Variants in LRTM3 observed in about 807,000 individuals in gnomAD.
LRTM3 encodes the protein leucine rich repeat transmembrane protein 3, also known as leucine-rich repeat transmembrane protein 3.
At chr13:102,734,670 T>C in the LRTM3 span, 1 of 1,551,168 alleles carries the variant, frequency 6.4e-7, no homozygotes, top group South Asian at 1.2e-5. Flanking sequence ...CTATGTACAG[T>C]CTCCCCTATG....
At chr13:102,753,566 C>T in the LRTM3 span, among the ~76,000 whole-genome samples, 11 of 149,888 alleles carry the variant, frequency 7.3e-5, no homozygotes, top group African/African-American at 1.5e-4. Context: ...TGGCCATCTG[C>T]GAGTCAAGGA....
At chr13:102,733,864 C>T in the LRTM3 span, 2 of 1,551,334 alleles carry the variant, frequency 1.3e-6, no homozygotes, top group Non-Finnish European at 1.7e-6. Flanking sequence ...GTTCTGCTTG[C>T]TTAACAACGT....
At chr13:102,730,946 G>C in the LRTM3 span, 5 of 1,551,214 alleles carry the variant, frequency 3.2e-6, no homozygotes, top group Admixed American at 9.8e-5. Context: ...GTTAGATAAG[G>C]GTTTCTTTCT....
the LRTM3 span, chr13:102,739,689 C>T: frequency 6.5e-7 from 1 of 1,550,114 alleles, no homozygotes; most frequent in Non-Finnish European, 8.7e-7. Context: ...CTTTTCATAT[C>T]CATTGCTTTT....
chr13:102,758,400 T>C, the LRTM3 span: 2 of 1,512,678 alleles, frequency 1.3e-6, no homozygotes, highest in East Asian at 2.5e-5. Context: ...TTTTGTGATA[T>C]ATCACATACC....
the LRTM3 span, chr13:102,749,375 C>T: frequency 6.4e-7 from 1 of 1,551,362 alleles, no homozygotes; most frequent in African/African-American, 1.4e-5. Context: ...TTTTACACTC[C>T]TTAGTTGTGG....
chr13:102,750,135 C>A, the LRTM3 span: 1 of 1,551,106 alleles, frequency 6.4e-7, no homozygotes, highest in Non-Finnish European at 8.7e-7. Context: ...TGTATTGTTT[C>A]ATATTCTCTG....
chr13:102,734,257 A>G, the LRTM3 span: 1 of 1,550,448 alleles, frequency 6.4e-7, no homozygotes. Context: ...TTACATCACC[A>G]CTCCTTGCCT....
the LRTM3 span, chr13:102,743,979 G>A: frequency 6.5e-6 from 10 of 1,549,926 alleles, no homozygotes; most frequent in African/African-American, 4.1e-5. Flanking sequence ...AGATTTTGTC[G>A]GCGTGTTCTG....
the LRTM3 span, chr13:102,730,191 T>G: frequency 6.4e-7 from 1 of 1,550,958 alleles, no homozygotes; most frequent in Non-Finnish European, 8.7e-7. Context: ...GAATCTTCAC[T>G]GTAAAATGAT....
chr13:102,756,028 C>T, the LRTM3 span, among the ~76,000 whole-genome samples: 3 of 149,082 alleles, frequency 2.0e-5, no homozygotes, highest in East Asian at 2.0e-4. Context: ...GGTGCAATCT[C>T]GTCTCACTGC....
chr13:102,736,923 T>A, the LRTM3 span: 5 of 1,551,194 alleles, frequency 3.2e-6, no homozygotes, highest in Non-Finnish European at 3.5e-6. Flanking sequence ...AAAGATCTTG[T>A]TACTCCTTGT....
the LRTM3 span, chr13:102,730,046 G>A: frequency 1.9e-6 from 3 of 1,551,482 alleles, no homozygotes; most frequent in Non-Finnish European, 2.6e-6. Context: ...CGCAGTATTT[G>A]ATGAACTATG....
At chr13:102,733,340 T>C in the LRTM3 span, 1 of 1,551,374 alleles carries the variant, frequency 6.4e-7, no homozygotes. Context: ...ACTTTGTCCA[T>C]CTTCCTTTGG....
chr13:102,733,340 T>G, the LRTM3 span: 2 of 1,551,374 alleles, frequency 1.3e-6, no homozygotes, highest in Admixed American at 3.9e-5. Flanking sequence ...ACTTTGTCCA[T>G]CTTCCTTTGG....
the LRTM3 span, chr13:102,747,665 A>T: frequency 6.4e-7 from 1 of 1,551,128 alleles, no homozygotes; most frequent in Non-Finnish European, 8.7e-7. Context: ...ACCAACTGGC[A>T]AGTTCTCTGG....
At chr13:102,733,411 G>A in the LRTM3 span, 3 of 1,551,254 alleles carry the variant, frequency 1.9e-6, no homozygotes, top group Non-Finnish European at 2.6e-6. Context: ...TTTCTTGCTG[G>A]TGAGCGTATC....
chr13:102,749,093 TCTTTC>T, the LRTM3 span: 1 of 1,548,128 alleles, frequency 6.5e-7, no homozygotes. Context: ...ATCTGATATA[TCTTTC>T]CTTTCATGTA....
At chr13:102,731,284 T>A in the LRTM3 span, 2 of 1,551,360 alleles carry the variant, frequency 1.3e-6, no homozygotes, top group Non-Finnish European at 1.7e-6. Flanking sequence ...CAGTCCCTTC[T>A]AGAGACATAA....
Sources: gnomAD v4.1 joint callset for allele counts (sites outside exome capture counted in the v4.1 genomes callset) on GRCh38, gnomAD v4.1.1 for gene constraint, MANE v1.5 for transcripts, NCBI Gene and HGNC (gene_info 2026-07-23, HGNC 2026-07-21) for gene names.